WNT7A: variants seen among roughly 807,000 people sequenced by gnomAD.
The protein encoded by WNT7A is Wnt family member 7A, also known as protein Wnt-7a.
A neutral mutation model predicts 28.2 loss-of-function variants in WNT7A; 16 were observed. That is an observed-to-expected ratio of 0.57 (90% CI 0.38 to 0.86). The LOEUF (loss-of-function observed/expected upper bound fraction) is 0.86. Ranked by LOEUF, WNT7A falls within the 40% of genes least tolerant of loss-of-function variation. WNT7A has a pLI of 0.00. For missense variants in WNT7A, 411 were observed against 489.7 expected (o/e 0.84, Z 1.52); for synonymous variants, 190 against 195.9 (o/e 0.97, Z 0.25).
rs911542893 is a variant in WNT7A at position 13,879,736 on chromosome 3, CA to C, written c.71+9del. The C allele has an allele frequency of 2.0e-5, 32 of 1,611,110 alleles. No homozygotes were observed. Among genetic ancestry groups the C allele is most frequent in the Non-Finnish European group, 2.5e-5 (29 of 1,178,312 alleles). ...GAAACACGCGCGGAAAGGGCGCAGGCAGCCCTTACCCGATCCGGAGGTAGAC... is the reference window on the plus strand; with the variant it reads ...GAAACACGCGCGGAAAGGGCGCAGGCGCCCTTACCCGATCCGGAGGTAGAC... On this transcript the variant is annotated intron_variant, in intron 1 of 3. Coordinates refer to ENST00000285018, the MANE Select transcript of WNT7A (RefSeq NM_004625.4).
chr3:13,843,896 G>A (rs1045160525), intron 3 of WNT7A, among the ~76,000 whole-genome samples: 4 of 151,902 alleles, frequency 2.6e-5, no homozygotes, highest in South Asian at 2.1e-4. Flanking sequence ...ACAGGTGCCC[G>A]CCACCTTGTC....
intron 1 of WNT7A, among the ~76,000 whole-genome samples, chr3:13,878,484 G>A (rs1008832929): frequency 9.2e-5 from 14 of 152,134 alleles, no homozygotes; most frequent in African/African-American, 3.4e-4. Context: ...CGGCAGGCTG[G>A]CGGTACTGGC....
chr3:13,862,263 G>T (rs1356226628), intron 2 of WNT7A, among the ~76,000 whole-genome samples: 1 of 152,204 alleles, frequency 6.6e-6, no homozygotes, highest in Non-Finnish European at 1.5e-5. Flanking sequence ...GCCCTCTGTG[G>T]TTCCAGCTCC....
intron 2 of WNT7A, among the ~76,000 whole-genome samples, chr3:13,863,289 G>A (rs879713712): frequency 1.3e-5 from 2 of 152,140 alleles, no homozygotes; most frequent in Admixed American, 1.3e-4. Flanking sequence ...TCCTTACTTT[G>A]TATTGAATTG....
In WNT7A at chr3:13,818,348, CA is replaced by C. The variant is rs1694046238; in HGVS notation, c.*595del. The C allele has an allele frequency of 5.1e-5, 1 of 19,730 alleles. No homozygotes were observed. The highest frequency in any genetic ancestry group is 8.7e-5 in the Non-Finnish European group (1 of 11,542). The allele number at this position is 19,730 out of a possible 1,614,324, so 1.2% of individuals were successfully genotyped here. ...AAATTTCTGGATAAGTAGCAGCAAA[CA>C]GCAAAAAAAAAAAAAAAAATGTGTG... On this transcript the variant is annotated 3_prime_UTR_variant, in exon 4 of 4. Transcript: ENST00000285018.
At chr3:13,862,704 C>A (rs918569359) in intron 2 of WNT7A, among the ~76,000 whole-genome samples, 1 of 152,208 alleles carries the variant, frequency 6.6e-6, no homozygotes, top group African/African-American at 2.4e-5. Context: ...AACAGGCCCA[C>A]AGCTCGGGAA....
At chr3:13,862,025 G>A (rs1319871426) in intron 2 of WNT7A, among the ~76,000 whole-genome samples, 1 of 152,212 alleles carries the variant, frequency 6.6e-6, no homozygotes, top group African/African-American at 2.4e-5. Flanking sequence ...AAACCCGTCA[G>A]TCCCTCCTGT....
At chr3:13,868,710 A>G (rs1267564475) in intron 2 of WNT7A, among the ~76,000 whole-genome samples, 1 of 37,680 alleles carries the variant, frequency 2.7e-5, no homozygotes, top group African/African-American at 7.0e-5. Flanking sequence ...GAAAGAAAGA[A>G]AGAAAGAAAG....
chr3:13,837,106 G>T (rs891151879), intron 3 of WNT7A, among the ~76,000 whole-genome samples: 6 of 152,124 alleles, frequency 3.9e-5, no homozygotes, highest in Non-Finnish European at 8.8e-5. Context: ...AGCCTCTGAT[G>T]AGAACACCAT....
At chr3:13,836,856 G>A (rs530502889) in intron 3 of WNT7A, among the ~76,000 whole-genome samples, 1 of 152,238 alleles carries the variant, frequency 6.6e-6, no homozygotes, top group Non-Finnish European at 1.5e-5. Context: ...ATGCCCTGGG[G>A]CTGGAAAAAC....
In WNT7A at chr3:13,820,389, T is replaced by C. The variant is rs150452530; in HGVS notation, c.571-966A>G. 8.8e-3 allele frequency among the ~76,000 whole-genome samples: 1,226 copies of C among 139,654 alleles called. 19 individuals carry two copies. Among genetic ancestry groups the C allele is most frequent in the African/African-American group, 0.03 (1,098 of 36,816 alleles). The allele number at this position is 139,654 out of a possible 152,430, so 91.6% of individuals were successfully genotyped here. A position where few individuals can be genotyped will look rare whatever the true frequency, so the allele number is the denominator to read the frequency against. ...TATTAATTCCATGAAGCTAGTATGA[T>C]TGACTCCTTTTTACAGAAAAAAAAA... is the stretch of plus-strand genomic sequence containing the variant. On this transcript the variant is annotated intron_variant, in intron 3 of 3. Coordinates refer to ENST00000285018, the MANE Select transcript of WNT7A (RefSeq NM_004625.4).
At chr3:13,867,552 G>A (rs140495220) in intron 2 of WNT7A, among the ~76,000 whole-genome samples, 8 of 152,236 alleles carry the variant, frequency 5.3e-5, no homozygotes, top group East Asian at 1.9e-4. Flanking sequence ...ATGAAGTGAC[G>A]GATGAGAAAG....
chr3:13,844,417 T>C (rs1694508186), intron 3 of WNT7A, among the ~76,000 whole-genome samples: 1 of 152,238 alleles, frequency 6.6e-6, no homozygotes, highest in African/African-American at 2.4e-5. Context: ...CATGCCCAGC[T>C]GGCTGGGAAT....
intron 3 of WNT7A, among the ~76,000 whole-genome samples, chr3:13,836,857 C>A (rs115280819): frequency 6.6e-6 from 1 of 152,160 alleles, no homozygotes; most frequent in East Asian, 1.9e-4. Flanking sequence ...TGCCCTGGGG[C>A]TGGAAAAACC....
At chr3:13,860,888 A>C (rs1694817651) in intron 2 of WNT7A, among the ~76,000 whole-genome samples, 1 of 152,212 alleles carries the variant, frequency 6.6e-6, no homozygotes, top group Non-Finnish European at 1.5e-5. Flanking sequence ...ATGTCCAATG[A>C]CATATAGTAC....
intron 2 of WNT7A, among the ~76,000 whole-genome samples, chr3:13,859,994 C>G (rs560633204): frequency 2.6e-5 from 4 of 151,104 alleles, no homozygotes; most frequent in Non-Finnish European, 5.9e-5. Context: ...AGCCCATCTC[C>G]TAGCCCATTC....
chr3:13,856,599 C>T (rs1694733457), intron 2 of WNT7A, among the ~76,000 whole-genome samples: 1 of 152,166 alleles, frequency 6.6e-6, no homozygotes, highest in Non-Finnish European at 1.5e-5. Flanking sequence ...GGGCAGATCA[C>T]TTTAGGTCAG....
intron 3 of WNT7A, among the ~76,000 whole-genome samples, chr3:13,826,837 G>A (rs1694203695): frequency 6.6e-6 from 1 of 152,164 alleles, no homozygotes; most frequent in African/African-American, 2.4e-5. Context: ...TATGAGCTAG[G>A]AGGCTACTGA....
intron 3 of WNT7A, among the ~76,000 whole-genome samples, chr3:13,838,585 G>C (rs1694406311): frequency 6.6e-6 from 1 of 152,210 alleles, no homozygotes; most frequent in Non-Finnish European, 1.5e-5. Context: ...GGCTCAGGCA[G>C]AGAACGGGAG....
Sources: allele counts gnomAD v4.1 joint callset (sites outside exome capture counted in the v4.1 genomes callset), GRCh38; gene constraint gnomAD v4.1.1; transcripts MANE v1.5; gene names NCBI Gene and HGNC (gene_info 2026-07-23, HGNC 2026-07-21).